Variants in DCLK1 observed in about 807,000 individuals in gnomAD.
DCLK1 encodes the protein serine/threonine-protein kinase DCLK1.
In DCLK1, 16 loss-of-function variants were observed where a neutral mutation model predicts 86.2. The observed-to-expected ratio is 0.19, with a 90% CI of 0.13 to 0.28. DCLK1 has a LOEUF of 0.28. DCLK1 is among the 10% of genes least tolerant of loss of function. DCLK1 has a pLI of 1.00. For synonymous variants in DCLK1, 369 were observed against 370.5 expected (o/e 1.00, Z 0.05); for missense variants, 590 against 940.2 (o/e 0.63, Z 4.87).
chr13:36,094,548 C>A (rs918039865), intron 3 of DCLK1, among the ~76,000 whole-genome samples: 2 of 152,176 alleles, frequency 1.3e-5, no homozygotes, highest in African/African-American at 4.8e-5. Flanking sequence ...TTGCTATACA[C>A]CCTGTGGCTG....
At chr13:35,847,413 C>G in intron 6 of DCLK1, 1 of 985,070 alleles carries the variant, frequency 1.0e-6, no homozygotes, top group Non-Finnish European at 1.2e-6. Context: ...TATACACATA[C>G]ACAGATACTT....
At chr13:36,094,143 C>CT (rs1391081236) in intron 3 of DCLK1, among the ~76,000 whole-genome samples, 9 of 152,042 alleles carry the variant, frequency 5.9e-5, no homozygotes, top group Non-Finnish European at 1.2e-4. Context: ...AAAAATCTGC[C>CT]TTTTTTGACC....
intron 3 of DCLK1, among the ~76,000 whole-genome samples, chr13:36,055,806 G>A (rs1566662511): frequency 6.6e-6 from 1 of 151,854 alleles, no homozygotes. Flanking sequence ...ATTTATTATA[G>A]GATTTTTAAA....
At chr13:36,056,382 C>T (rs549988033) in intron 3 of DCLK1, among the ~76,000 whole-genome samples, 41 of 106,302 alleles carry the variant, frequency 3.9e-4, no homozygotes, top group African/African-American at 1.4e-3. Context: ...AACCAAACAC[C>T]GCATATTCTC....
chr13:35,837,264 T>G (rs968532660), intron 7 of DCLK1, among the ~76,000 whole-genome samples: 2 of 152,238 alleles, frequency 1.3e-5, no homozygotes, highest in Non-Finnish European at 2.9e-5. Context: ...CAATCTGAAT[T>G]CTAGAGGGGA....
At chr13:35,885,314 A>C (rs1291385918) in intron 4 of DCLK1, among the ~76,000 whole-genome samples, 1 of 152,222 alleles carries the variant, frequency 6.6e-6, no homozygotes, top group East Asian at 1.9e-4. Context: ...CAACAAAAAA[A>C]AAATTCTCCC....
intron 3 of DCLK1, among the ~76,000 whole-genome samples, chr13:36,036,825 C>T (rs1239997119): frequency 6.6e-6 from 1 of 152,096 alleles, no homozygotes; most frequent in African/African-American, 2.4e-5. Flanking sequence ...CCTTAAAAAA[C>T]TTTCTAAAAA....
chr13:35,792,661 G>T (rs2086729197), intron 16 of DCLK1, among the ~76,000 whole-genome samples: 1 of 152,108 alleles, frequency 6.6e-6, no homozygotes, highest in Admixed American at 6.6e-5. Flanking sequence ...TCCAGAATAT[G>T]ACACCAGGAA....
At chr13:35,816,213 C>T (rs1336116959) in intron 11 of DCLK1, among the ~76,000 whole-genome samples, 1 of 152,146 alleles carries the variant, frequency 6.6e-6, no homozygotes, top group African/African-American at 2.4e-5. Flanking sequence ...CAATTATTAT[C>T]CAATATGTCA....
chr13:35,824,557 A>G (rs2087476927), intron 10 of DCLK1, among the ~76,000 whole-genome samples: 1 of 151,992 alleles, frequency 6.6e-6, no homozygotes, highest in Non-Finnish European at 1.5e-5. Flanking sequence ...CTTCGCAGCC[A>G]TCTGGGCCTT....
chr13:35,867,509 A>G (rs1199251134), intron 5 of DCLK1, among the ~76,000 whole-genome samples: 1 of 152,160 alleles, frequency 6.6e-6, no homozygotes, highest in African/African-American at 2.4e-5. Context: ...ACTTCAAGGA[A>G]AAAATAGAAT....
At chr13:35,909,242 T>A (rs1161455947) in intron 4 of DCLK1, among the ~76,000 whole-genome samples, 7 of 152,244 alleles carry the variant, frequency 4.6e-5, no homozygotes, top group Non-Finnish European at 1.0e-4. Flanking sequence ...GATACTCACA[T>A]GTGTGAGTGC....
At chr13:35,979,292 C>T (rs1879520312) in intron 3 of DCLK1, among the ~76,000 whole-genome samples, 1 of 152,122 alleles carries the variant, frequency 6.6e-6, no homozygotes, top group Admixed American at 6.5e-5. Context: ...TTCAGAAGAC[C>T]CGGCCGGGGA....
chr13:36,112,544 A>T (rs1885652269), intron 2 of DCLK1, among the ~76,000 whole-genome samples: 1 of 152,202 alleles, frequency 6.6e-6, no homozygotes, highest in Admixed American at 6.5e-5. Context: ...ATTCTTTGGG[A>T]ATTAGAGATA....
At position 35,864,198 on chromosome 13, in the gene DCLK1, T is replaced by A. The variant is rs932361040; in HGVS notation, c.940+7026A>T. ...GGAATTGAAAGGTGTGAGGCACTCA[T>A]TGGGCCTCAGTTATGTCTGCTAAGG... On this transcript the variant is annotated intron_variant, in intron 5 of 16. Coordinates refer to ENST00000360631, the MANE Select transcript of DCLK1 (RefSeq NM_001330071.2). 9.3e-4 allele frequency among the ~76,000 whole-genome samples: 142 copies of A among 152,314 alleles called. 1 individual carries two copies. Among genetic ancestry groups the A allele is most frequent in the Non-Finnish European group, 4.1e-4 (28 of 68,034 alleles).
chr13:35,784,745 G>A (rs187428598), intron 16 of DCLK1, among the ~76,000 whole-genome samples: 2 of 152,154 alleles, frequency 1.3e-5, no homozygotes, highest in South Asian at 4.2e-4. Flanking sequence ...GGCTGTCCCC[G>A]GGGACAGCGT....
chr13:35,957,054 G>T (rs1483314010), intron 3 of DCLK1, among the ~76,000 whole-genome samples: 3 of 152,000 alleles, frequency 2.0e-5, no homozygotes, highest in African/African-American at 7.2e-5. Context: ...GAAAAGTCAA[G>T]ATGAAGAACA....
intron 3 of DCLK1, among the ~76,000 whole-genome samples, chr13:35,988,386 G>A (rs958237493): frequency 2.0e-5 from 3 of 152,196 alleles, no homozygotes; most frequent in African/African-American, 4.8e-5. Context: ...TTGCAACACC[G>A]GTGCCAGCCC....
intron 3 of DCLK1, among the ~76,000 whole-genome samples, chr13:36,099,926 T>A (rs1885142975): frequency 6.6e-6 from 1 of 152,176 alleles, no homozygotes; most frequent in Non-Finnish European, 1.5e-5. Context: ...CCTTTTCCTA[T>A]AAACTGTTGC....
Sources: gnomAD v4.1 joint callset for allele counts (sites outside exome capture counted in the v4.1 genomes callset) on GRCh38, gnomAD v4.1.1 for gene constraint, MANE v1.5 for transcripts, NCBI Gene and HGNC (gene_info 2026-07-23, HGNC 2026-07-21) for gene names.